TUBB8: variants seen among roughly 807,000 people sequenced by gnomAD.
TUBB8 encodes the protein tubulin beta-8 chain.
TUBB8 carries 25 observed loss-of-function variants against 33.7 expected under a neutral mutation model. That is an observed-to-expected ratio of 0.74 (90% CI 0.54 to 1.04). The LOEUF is 1.04. Ranked by LOEUF, TUBB8 falls within the 50% of genes least tolerant of loss-of-function variation. The pLI is 0.00. For synonymous variants in TUBB8, 245 were observed against 240.1 expected, an observed-to-expected ratio of 1.02 and a Z score of -0.19; for missense variants, 279 against 608.0, an observed-to-expected ratio of 0.46 and a Z score of 5.69.
upstream of TUBB8, among the ~76,000 whole-genome samples, chr10:76,547 C>T (rs1193598134): frequency 6.6e-6 from 1 of 152,094 alleles, no homozygotes; most frequent in Admixed American, 6.5e-5. Flanking sequence ...CCCGAAGCCC[C>T]GGCCCCTCCG....
rs782076578 is a variant in TUBB8 at position 48,545 on chromosome 10, C to CAGGAGGA, written c.277+69_277+70insTCCTCCT. 1.2e-5 allele frequency: 18 copies of CAGGAGGA among 1,450,492 alleles called. No homozygotes were observed. The South Asian group carries it at 2.1e-4, about 17-fold the overall frequency. 89.9% of individuals were successfully genotyped at this position (1,450,492 alleles called of 1,614,324 possible). A position where few individuals can be genotyped will look rare whatever the true frequency, so the allele number is the denominator to read the frequency against. ...AGCTCCACAGTTCCCAGAGGATGAC[C>CAGGAGGA]TTAGCACACTCCTGGATTTTGAGCT... On this transcript the variant is annotated intron_variant, in intron 3 of 3. Transcript: ENST00000568584.
chr10:67,204 G>A (rs572646115), intron 1 of TUBB8, among the ~76,000 whole-genome samples: 54 of 147,268 alleles, frequency 3.7e-4, no homozygotes, highest in South Asian at 1.3e-3. Context: ...TTGATATTTC[G>A]TATAAATGAC....
At chr10:70,100 A>ATTGTTACT (rs1554742114) in intron 1 of TUBB8, among the ~76,000 whole-genome samples, 22 of 152,340 alleles carry the variant, frequency 1.4e-4, no homozygotes, top group Middle Eastern at 6.8e-3. Flanking sequence ...TCTGGTCAGT[A>ATTGTTACT]ACAATACCAC....
At chr10:49,304 C>T (rs1588273068), upstream of TUBB8, 13 of 1,514,404 alleles carry the variant, frequency 8.6e-6, no homozygotes, top group African/African-American at 5.5e-5. Context: ...AGCGACCCAG[C>T]CCGCCCTCCG....
chr10:65,383 C>G (rs1834657794), intron 1 of TUBB8, among the ~76,000 whole-genome samples: 1 of 152,226 alleles, frequency 6.6e-6, no homozygotes, highest in African/African-American at 2.4e-5. Context: ...CTTGACATCA[C>G]AAGAACAGAA....
At chr10:72,254 TAAAA>T (rs34999592) in intron 1 of TUBB8, among the ~76,000 whole-genome samples, 1 of 125,254 alleles carries the variant, frequency 8.0e-6, no homozygotes, top group African/African-American at 3.0e-5. Flanking sequence ...TTTTTTTAAT[TAAAA>T]AAAAAAAAAA....
upstream of TUBB8, among the ~76,000 whole-genome samples, chr10:50,850 C>T (rs1479705407): frequency 6.6e-6 from 1 of 152,192 alleles, no homozygotes; most frequent in African/African-American, 2.4e-5. Context: ...CATATTTAGC[C>T]CTCCTGTTTT....
intron 3 of TUBB8, 115 bp downstream of exon 3, chr10:48,500 G>A: frequency 2.0e-6 from 2 of 998,552 alleles, no homozygotes; most frequent in South Asian, 2.6e-5. Context: ...TCGGAGGATA[G>A]GAGGGTGTTC....
downstream of TUBB8, among the ~76,000 whole-genome samples, chr10:46,630 G>T (rs1249634951): frequency 1.3e-5 from 2 of 149,882 alleles, no homozygotes; most frequent in African/African-American, 4.9e-5. Flanking sequence ...TCCCCTAGAA[G>T]TTTGGTATAT....
intron 3 of TUBB8, 123 bp from the exon 4 acceptor site, chr10:48,237 A>G: frequency 4.7e-6 from 5 of 1,053,960 alleles, no homozygotes; most frequent in Non-Finnish European, 5.8e-6. Context: ...CTGCAGGTGG[A>G]GCAGATGAAA....
chr10:54,604 C>T (rs1327301975), intron 1 of TUBB8, among the ~76,000 whole-genome samples: 1 of 152,170 alleles, frequency 6.6e-6, no homozygotes, highest in African/African-American at 2.4e-5. Flanking sequence ...TTTTATTTGC[C>T]TATTTGCCAC....
Position 47,519 on chromosome 10 carries a change from C to T in TUBB8, c.873G>A (p.Gln291=). Residue 291 remains glutamine, a synonymous_variant, in exon 4 of 4, where the codon CAG becomes CAA. Coordinates refer to ENST00000568584, the MANE Select transcript of TUBB8 (RefSeq NM_177987.3). ...TCATGTTCTTAGCATCAAACATCTG[C>T]TGGGTAAGCTCAGCCACAGTCAAGG... ...YRALTVAELT[Q]QMFDAKNMMA... 1 of 1,612,228 alleles carries T rather than the reference C, an allele frequency of 6.2e-7. No individual in the cohort carries two copies. Among genetic ancestry groups the T allele is most frequent in the Non-Finnish European group, 8.5e-7 (1 of 1,180,042 alleles).
chr10:53,416 C>T (rs1441297874), upstream of TUBB8, among the ~76,000 whole-genome samples: 20 of 150,336 alleles, frequency 1.3e-4, no homozygotes, highest in South Asian at 6.3e-4. Context: ...GCATGAGCCA[C>T]TGCTCCCAGC....
At chr10:48,521 G>T in intron 3 of TUBB8, 94 bp downstream of exon 3, 1 of 1,244,192 alleles carries the variant, frequency 8.0e-7, no homozygotes, top group Non-Finnish European at 1.2e-6. Flanking sequence ...AGGGGCCCTA[G>T]CTCCACAGTT....
At chr10:74,729 TAAG>T (rs1554742897), upstream of TUBB8, among the ~76,000 whole-genome samples, 1 of 149,260 alleles carries the variant, frequency 6.7e-6, no homozygotes, top group African/African-American at 2.5e-5. Context: ...AGAAGGAAGT[TAAG>T]AAGAGACTCC....
In TUBB8 at chr10:57,155, G is replaced by C. The variant is rs575391197; in HGVS notation, c.-845-6922C>G. 2.6e-5 allele frequency among the ~76,000 whole-genome samples: 4 copies of C among 152,334 alleles called. No homozygotes were observed. The South Asian group carries it at 8.3e-4, about 32-fold the overall frequency. On this transcript the variant is annotated intron_variant, in intron 1 of 3. Transcript: ENST00000564130. Reference sequence around the variant, plus strand: ...CATTTCCAGGGCACACTAATGCCTTGGGACGTTTAGACCTTGTGGCTTTGC... The same window carrying C: ...CATTTCCAGGGCACACTAATGCCTTCGGACGTTTAGACCTTGTGGCTTTGC...
At chr10:55,415 T>G (rs1372021845) in intron 1 of TUBB8, among the ~76,000 whole-genome samples, 1 of 152,246 alleles carries the variant, frequency 6.6e-6, no homozygotes, top group Non-Finnish European at 1.5e-5. Context: ...GATAGGTAAT[T>G]CACAAATATT....
chr10:71,315 A>C (rs1331800378), intron 1 of TUBB8, among the ~76,000 whole-genome samples: 1 of 151,062 alleles, frequency 6.6e-6, no homozygotes, highest in Non-Finnish European at 1.5e-5. Context: ...ACTGCATCTC[A>C]AAAAAAAAGA....
chr10:64,829 T>G (rs1834648402), intron 1 of TUBB8, among the ~76,000 whole-genome samples: 1 of 152,122 alleles, frequency 6.6e-6, no homozygotes, highest in South Asian at 2.1e-4. Flanking sequence ...AAAAGAATAT[T>G]AAAATATCTT....
Sources: allele counts gnomAD v4.1 joint callset (sites outside exome capture counted in the v4.1 genomes callset), GRCh38; gene constraint gnomAD v4.1.1; transcripts MANE v1.5; gene names NCBI Gene and HGNC (gene_info 2026-07-23, HGNC 2026-07-21).